The following FUT9 variants were observed in gnomAD, a reference collection of about 807,000 sequenced individuals.
The protein encoded by FUT9 is 4-galactosyl-N-acetylglucosaminide 3-alpha-L-fucosyltransferase 9.
FUT9 carries 15 observed loss-of-function variants against 29.7 expected under a neutral mutation model. The ratio of observed to expected loss-of-function variants is 0.51; its 90% CI spans 0.34 to 0.78. FUT9 has a LOEUF of 0.78. Among genes scored for constraint, FUT9 ranks in the 30% least tolerant of loss-of-function variants. FUT9 has a pLI of 0.01. For missense variants in FUT9, 319 were observed against 425.4 expected (o/e 0.75, Z 2.20); for synonymous variants, 169 against 153.7 (o/e 1.10, Z -0.74).
At chr6:96,171,422 G>A (rs1773110616) in intron 2 of FUT9, among the ~76,000 whole-genome samples, 1 of 152,108 alleles carries the variant, frequency 6.6e-6, no homozygotes, top group Non-Finnish European at 1.5e-5. Flanking sequence ...GCTAGTGGAG[G>A]GCTGAATGGA....
intron 1 of FUT9, among the ~76,000 whole-genome samples, chr6:96,086,948 C>T (rs1266541878): frequency 1.3e-5 from 2 of 152,242 alleles, no homozygotes; most frequent in East Asian, 3.9e-4. Flanking sequence ...TGCAGCCTGC[C>T]AATTTTCGGT....
At chr6:96,124,999 T>C (rs1244007991) in intron 2 of FUT9, among the ~76,000 whole-genome samples, 2 of 152,170 alleles carry the variant, frequency 1.3e-5, no homozygotes, top group African/African-American at 4.8e-5. Flanking sequence ...GCTTGCATTC[T>C]AGGTTCAGAC....
At position 96,167,616 on chromosome 6, in the gene FUT9, T is replaced by C. The variant is rs72922852; in HGVS notation, c.-8-35532T>C. ...AGGATTTCTGTCCTCTTGTAGTTTC[T>C]ATTTTAGTAGAAGCCACATAAATAA... On this transcript the variant is annotated intron_variant, in intron 2 of 2. Coordinates refer to ENST00000302103, the MANE Select transcript of FUT9 (RefSeq NM_006581.4). Among the ~76,000 whole-genome samples the C allele has an allele frequency of 8.9e-3, 1,350 of 152,338 alleles. 15 individuals carry two copies. The highest frequency in any genetic ancestry group is 0.015 in the South Asian group (74 of 4,832).
intron 1 of FUT9, among the ~76,000 whole-genome samples, chr6:96,076,579 G>A (rs1049793740): frequency 6.6e-6 from 1 of 152,116 alleles, no homozygotes; most frequent in Non-Finnish European, 1.5e-5. Flanking sequence ...AAATGGAACT[G>A]CTGAGAACAA....
chr6:96,078,729 G>A (rs1445848109), intron 1 of FUT9, among the ~76,000 whole-genome samples: 1 of 151,802 alleles, frequency 6.6e-6, no homozygotes, highest in East Asian at 1.9e-4. Flanking sequence ...CCATATTAGA[G>A]TCTTAACCAA....
At chr6:96,156,520 G>A (rs1172347638) in intron 2 of FUT9, among the ~76,000 whole-genome samples, 1 of 152,154 alleles carries the variant, frequency 6.6e-6, no homozygotes. Flanking sequence ...ATATATATAA[G>A]CTGATGGAGC....
chr6:96,202,495 A>G (rs887745450), intron 2 of FUT9, among the ~76,000 whole-genome samples: 1 of 152,160 alleles, frequency 6.6e-6, no homozygotes, highest in African/African-American at 2.4e-5. Flanking sequence ...TAAGAAAAAT[A>G]TATAAATAAA....
rs900514473 is a variant in FUT9 at position 96,175,450 on chromosome 6, G to A, written c.-8-27698G>A. Among the ~76,000 whole-genome samples, 10 of 152,128 alleles carry A rather than the reference G, an allele frequency of 6.6e-5. No individual in the cohort carries two copies. The South Asian group carries it at 1.0e-3, about 16-fold the overall frequency. On this transcript the variant is annotated intron_variant, in intron 2 of 2. Transcript: ENST00000302103. ...CTATATGGTCACTTTGAAAGAAACA[G>A]AGAAAAATTAATGGTCTCGATGCTA... is the stretch of plus-strand genomic sequence containing the variant.
In FUT9 at chr6:96,016,038, A is replaced by AGATTCACTGCTCTCCCCTGCAGCTCCC. The variant is rs1769969537; in HGVS notation, c.-271_-245dup. The AGATTCACTGCTCTCCCCTGCAGCTCCC allele has an allele frequency of 1.3e-5, 2 of 151,954 alleles. No individual in the cohort carries two copies. Among genetic ancestry groups the AGATTCACTGCTCTCCCCTGCAGCTCCC allele is most frequent in the Non-Finnish European group, 2.9e-5 (2 of 68,216 alleles). 9.4% of individuals were successfully genotyped at this position (151,954 alleles called of 1,614,324 possible). On this transcript the variant is annotated 5_prime_UTR_variant, in exon 1 of 3. Transcript: ENST00000302103. ...AGAGCGCGCGCGGCGCAGCAGCTCC[A>AGATTCACTGCTCTCCCCTGCAGCTCCC]GATTCACTGCTCTCCCCTGCAGCTC...
At chr6:96,029,530 G>A (rs982181967) in intron 1 of FUT9, among the ~76,000 whole-genome samples, 1 of 151,634 alleles carries the variant, frequency 6.6e-6, no homozygotes, top group Non-Finnish European at 1.5e-5. Flanking sequence ...ATCAACTCTT[G>A]ACTAGAGTAA....
At chr6:96,187,754 G>A (rs1190033726) in intron 2 of FUT9, among the ~76,000 whole-genome samples, 1 of 152,094 alleles carries the variant, frequency 6.6e-6, no homozygotes, top group Non-Finnish European at 1.5e-5. Context: ...TGATGGTGTT[G>A]TGTGGAAAAC....
At chr6:96,037,344 CA>C (rs968684809) in intron 1 of FUT9, 2 of 151,996 alleles carry the variant, frequency 1.3e-5, no homozygotes, top group Non-Finnish European at 2.9e-5. Flanking sequence ...GTGCCTAATC[CA>C]GGGGCTTTGA....
intron 1 of FUT9, among the ~76,000 whole-genome samples, chr6:96,050,682 T>A (rs867293503): frequency 3.3e-4 from 50 of 152,222 alleles, no homozygotes; most frequent in African/African-American, 1.0e-3. Context: ...CTCAGAGATA[T>A]CCTATGATTG....
intron 2 of FUT9, among the ~76,000 whole-genome samples, chr6:96,124,157 T>C (rs1772087172): frequency 6.7e-6 from 1 of 148,594 alleles, no homozygotes. Flanking sequence ...TTTTTTCTTT[T>C]TTTTTTTTTT....
intron 2 of FUT9, among the ~76,000 whole-genome samples, chr6:96,127,697 ATTTT>A (rs1772159219): frequency 6.6e-6 from 1 of 151,984 alleles, no homozygotes; most frequent in African/African-American, 2.4e-5. Flanking sequence ...AGCATCTGTT[ATTTT>A]TTGACTTTTT....
intron 2 of FUT9, among the ~76,000 whole-genome samples, chr6:96,135,922 G>T (rs1308347541): frequency 6.6e-6 from 1 of 151,020 alleles, no homozygotes; most frequent in Non-Finnish European, 1.5e-5. Context: ...GTGATTTCAA[G>T]TGGCTTTCTC....
At chr6:96,048,789 C>G (rs964508364) in intron 1 of FUT9, among the ~76,000 whole-genome samples, 1 of 152,102 alleles carries the variant, frequency 6.6e-6, no homozygotes, top group African/African-American at 2.4e-5. Flanking sequence ...AGGGGGGGAA[C>G]TGACCAAGTA....
At chr6:96,023,170 C>T (rs1422225096) in intron 1 of FUT9, among the ~76,000 whole-genome samples, 1 of 151,934 alleles carries the variant, frequency 6.6e-6, no homozygotes, top group East Asian at 1.9e-4. Flanking sequence ...CCAAATGTCC[C>T]AATAAGGTGC....
At chr6:96,039,391 C>T (rs1770415741) in intron 1 of FUT9, among the ~76,000 whole-genome samples, 1 of 152,120 alleles carries the variant, frequency 6.6e-6, no homozygotes, top group African/African-American at 2.4e-5. Flanking sequence ...ATACTACCTA[C>T]TCTCCATTAG....
Sources: allele counts gnomAD v4.1 joint callset (sites outside exome capture counted in the v4.1 genomes callset), GRCh38; gene constraint gnomAD v4.1.1; transcripts MANE v1.5; gene names NCBI Gene and HGNC (gene_info 2026-07-23, HGNC 2026-07-21).